The following ANKRD62 variants were observed in gnomAD, a reference collection of about 807,000 sequenced individuals.
ANKRD62 encodes ankyrin repeat domain-containing protein 62.
Under a neutral mutation model 98.8 loss-of-function variants are expected in ANKRD62, and 61 were observed. The observed-to-expected ratio is 0.62, with a 90% CI of 0.50 to 0.76. The LOEUF is 0.76. ANKRD62 is among the 30% of genes least tolerant of loss of function. The pLI is 0.00. For missense variants in ANKRD62, 933 were observed against 1,082.9 expected, an observed-to-expected ratio of 0.86 and a Z score of 1.94; for synonymous variants, 341 against 367.9, an observed-to-expected ratio of 0.93 and a Z score of 0.84.
intron 2 of ANKRD62, 40 bp from the exon 3 acceptor site, chr18:12,095,397 C>A: frequency 1.9e-6 from 3 of 1,544,874 alleles, no homozygotes; most frequent in Non-Finnish European, 2.6e-6. Context: ...TGGAAGATTT[C>A]CTAGAATTTA....
the ANKRD62 span, among the ~76,000 whole-genome samples, chr18:12,170,438 T>G: frequency 6.6e-6 from 1 of 152,326 alleles, no homozygotes; most frequent in African/African-American, 2.4e-5. Context: ...AGTTGTGTGG[T>G]TTTGAGTGAG....
At chr18:12,126,851 A>G (rs1909903322) in intron 13 of ANKRD62, among the ~76,000 whole-genome samples, 1 of 152,178 alleles carries the variant, frequency 6.6e-6, no homozygotes, top group Non-Finnish European at 1.5e-5. Context: ...TTCTTCCTCA[A>G]TAGCTTTTAA....
chr18:12,175,211 G>A, the ANKRD62 span, among the ~76,000 whole-genome samples: 2 of 152,218 alleles, frequency 1.3e-5, no homozygotes, highest in African/African-American at 2.4e-5. Context: ...TATTGCATGA[G>A]CAGTAGTGGT....
chr18:12,133,469 T>C (rs1345592618), downstream of ANKRD62, among the ~76,000 whole-genome samples: 1 of 152,230 alleles, frequency 6.6e-6, no homozygotes, highest in Non-Finnish European at 1.5e-5. Context: ...CAGGCTGTTA[T>C]TCAACACAGC....
chr18:12,138,504 G>C, the ANKRD62 span, among the ~76,000 whole-genome samples: 6 of 152,144 alleles, frequency 3.9e-5, no homozygotes, highest in South Asian at 1.2e-3. Flanking sequence ...GTGTGGTGCT[G>C]GAAAGAATGT....
the ANKRD62 span, among the ~76,000 whole-genome samples, chr18:12,159,736 T>A: frequency 1.3e-5 from 2 of 152,224 alleles, no homozygotes. Context: ...ATGCCAGTGG[T>A]AGTGGTGGTT....
At chr18:12,114,961 T>A in intron 8 of ANKRD62, 127 bp from the exon 9 acceptor site, 1 of 762,488 alleles carries the variant, frequency 1.3e-6, no homozygotes, top group Non-Finnish European at 1.8e-6. Context: ...AAACATTACC[T>A]GTAAACATTA....
the ANKRD62 span, among the ~76,000 whole-genome samples, chr18:12,159,084 C>T: frequency 6.6e-6 from 1 of 152,114 alleles, no homozygotes; most frequent in African/African-American, 2.4e-5. Flanking sequence ...AGAAGTATAA[C>T]GACCTATTGA....
At chr18:12,134,177 A>T (rs1439888923), downstream of ANKRD62, among the ~76,000 whole-genome samples, 1 of 152,160 alleles carries the variant, frequency 6.6e-6, no homozygotes, top group East Asian at 1.9e-4. Context: ...CCTTGAAAGG[A>T]TTTAGTAGAC....
chr18:12,105,225 A>G (rs1346462475), intron 7 of ANKRD62, among the ~76,000 whole-genome samples: 2 of 152,238 alleles, frequency 1.3e-5, no homozygotes, highest in African/African-American at 2.4e-5. Context: ...ATACAAAACC[A>G]ATTCAAAACT....
the ANKRD62 span, among the ~76,000 whole-genome samples, chr18:12,137,431 G>A: frequency 1.3e-5 from 2 of 152,162 alleles, no homozygotes; most frequent in African/African-American, 2.4e-5. Flanking sequence ...TTTTTGATGT[G>A]TTGCTGGATT....
In ANKRD62 at chr18:12,126,063, T is replaced by C. The variant is rs1438059566; in HGVS notation, c.2242T>C (p.Leu748=). ...QGVLSRTQRR[L]EDIEHMYQND... is the part of the protein sequence containing the mutation. The stretch of plus-strand genomic sequence containing the variant: ...AGTCCTAAGCCGAACACAGCGTCGA[T>C]TGGAGGACATTGAACACATGTACCA... Residue 748 remains leucine (L), a synonymous_variant, in exon 13 of 14, where the codon TTG becomes CTG. Coordinates refer to ENST00000587848, the MANE Select transcript of ANKRD62 (RefSeq NM_001277333.2). 1.4e-5 allele frequency: 21 copies of C among 1,536,174 alleles called. No homozygotes were observed. The highest frequency in any genetic ancestry group is 1.7e-4 in the Middle Eastern group (1 of 5,990).
the ANKRD62 span, among the ~76,000 whole-genome samples, chr18:12,178,096 G>A: frequency 6.7e-6 from 1 of 150,036 alleles, no homozygotes; most frequent in Non-Finnish European, 1.5e-5. Flanking sequence ...GCATTAGAAC[G>A]GGCATGAAAG....
At chr18:12,140,564 C>T in the ANKRD62 span, among the ~76,000 whole-genome samples, 1 of 152,194 alleles carries the variant, frequency 6.6e-6, no homozygotes. Context: ...TTCCTTCTAA[C>T]AGTCAGGACC....
At chr18:12,167,085 G>A in the ANKRD62 span, among the ~76,000 whole-genome samples, 10 of 151,528 alleles carry the variant, frequency 6.6e-5, no homozygotes, top group South Asian at 4.2e-4. Context: ...AGCATTCCAC[G>A]GTGTACATGT....
intron 8 of ANKRD62, 39 bp from the exon 9 acceptor site, chr18:12,115,048 TA>T: frequency 7.4e-7 from 1 of 1,343,410 alleles, no homozygotes; most frequent in Non-Finnish European, 9.5e-7. Context: ...TTTACATATT[TA>T]CTATTTGCCT....
At chr18:12,161,624 T>C in the ANKRD62 span, among the ~76,000 whole-genome samples, 36 of 152,248 alleles carry the variant, frequency 2.4e-4, no homozygotes, top group East Asian at 6.2e-3. Flanking sequence ...TAGGTCTTAT[T>C]CATGCTTTCT....
chr18:12,104,622 A>G (rs551370617), intron 7 of ANKRD62, among the ~76,000 whole-genome samples: 1 of 152,316 alleles, frequency 6.6e-6, no homozygotes, highest in African/African-American at 2.4e-5. Context: ...TTTGTGAAGA[A>G]TACAAAACTG....
Position 12,127,881 on chromosome 18 carries a change from T to C in ANKRD62, c.2696T>C (p.Leu899Ser), listed in dbSNP as rs150303184. 13,750 of 1,523,880 alleles carry C rather than the reference T, an allele frequency of 9.0e-3. 92 individuals are homozygous for C. Among genetic ancestry groups the C allele is most frequent in the African/African-American group, 0.02 (1,433 of 72,732 alleles). 94.4% of individuals were successfully genotyped at this position (1,523,880 alleles called of 1,614,324 possible). ...EDEAQSLKKK[L>S]GQMRSQVCMK... ...GAGGCACAAAGTTTAAAAAAGAAAT[T>C]AGGCCAGATGAGAAGTCAAGTATGT... is the stretch of plus-strand genomic sequence containing the variant. Residue 899 changes from leucine (L) to serine (S), a missense_variant, in exon 14 of 14, where the codon TTA (leucine) becomes TCA (serine). Transcript: ENST00000587848.
Sources: gnomAD v4.1 joint callset for allele counts (sites outside exome capture counted in the v4.1 genomes callset) on GRCh38, gnomAD v4.1.1 for gene constraint, MANE v1.5 for transcripts, NCBI Gene and HGNC (gene_info 2026-07-23, HGNC 2026-07-21) for gene names.